The following DYNLRB1 variants were observed in gnomAD, a reference collection of about 807,000 sequenced individuals.
DYNLRB1 encodes the protein ROBL/LC7-like 1.
A neutral mutation model predicts 13.5 loss-of-function variants in DYNLRB1; 6 were observed. The ratio of observed to expected loss-of-function variants is 0.44; its 90% CI spans 0.24 to 0.88. The LOEUF (loss-of-function observed/expected upper bound fraction) is 0.88. Ranked by LOEUF, DYNLRB1 falls within the 40% of genes least tolerant of loss-of-function variation. The pLI is 0.21. For missense variants in DYNLRB1, 93 were observed against 127.2 expected, an observed-to-expected ratio of 0.73 and a Z score of 1.29; for synonymous variants, 43 against 45.0, an observed-to-expected ratio of 0.96 and a Z score of 0.18.
intron 1 of DYNLRB1, among the ~76,000 whole-genome samples, chr20:34,520,737 C>T (rs1222337307): frequency 6.6e-6 from 1 of 152,172 alleles, no homozygotes; most frequent in African/African-American, 2.4e-5. Flanking sequence ...GCATGAGCCA[C>T]CATACCTGGC....
At chr20:34,525,053 T>C (rs1163953112) in intron 1 of DYNLRB1, among the ~76,000 whole-genome samples, 6 of 152,208 alleles carry the variant, frequency 3.9e-5, no homozygotes, top group Admixed American at 3.9e-4. Flanking sequence ...AGGAGCTTGT[T>C]TACCCTTCCC....
chr20:34,524,434 G>A (rs916252941), intron 1 of DYNLRB1, among the ~76,000 whole-genome samples: 1 of 152,078 alleles, frequency 6.6e-6, no homozygotes, highest in African/African-American at 2.4e-5. Flanking sequence ...AGTTCTTTCT[G>A]CATTCTGCTA....
chr20:34,538,718 T>G (rs539133121), intron 3 of DYNLRB1, among the ~76,000 whole-genome samples: 7 of 152,336 alleles, frequency 4.6e-5, no homozygotes, highest in African/African-American at 1.7e-4. Flanking sequence ...GTCACTTCAT[T>G]TCTGTTTCTT....
chr20:34,518,101 G>GTT (rs141178937), intron 1 of DYNLRB1, among the ~76,000 whole-genome samples: 12 of 148,340 alleles, frequency 8.1e-5, no homozygotes, highest in African/African-American at 3.0e-4. Context: ...TTTATGGTAG[G>GTT]TTTTTTTTTT....
At chr20:34,526,240 T>A (rs199639375) in intron 1 of DYNLRB1, 28 bp from the exon 2 acceptor site, 873 of 1,613,788 alleles carry the variant, frequency 5.4e-4, no homozygotes, top group Non-Finnish European at 6.9e-4. Context: ...TATCGGCCTC[T>A]CCTAACCTTG....
upstream of DYNLRB1, among the ~76,000 whole-genome samples, chr20:34,516,204 A>G (rs556101607): frequency 2.0e-4 from 30 of 152,378 alleles, no homozygotes; most frequent in African/African-American, 7.2e-4. Context: ...CAGAACCAGC[A>G]TCTTTTCTGC....
chr20:34,518,232 A>T (rs1979420005), intron 1 of DYNLRB1, among the ~76,000 whole-genome samples: 1 of 151,744 alleles, frequency 6.6e-6, no homozygotes, highest in African/African-American at 2.4e-5. Context: ...TCTGTGTTTT[A>T]TACCAATACC....
intron 3 of DYNLRB1, among the ~76,000 whole-genome samples, chr20:34,537,521 C>A (rs1299318325): frequency 6.6e-6 from 1 of 152,108 alleles, no homozygotes; most frequent in Non-Finnish European, 1.5e-5. Context: ...GCAGTGGGGA[C>A]GGGGTCAGGG....
chr20:34,525,917 A>G (rs975532447), intron 1 of DYNLRB1, among the ~76,000 whole-genome samples: 38 of 152,250 alleles, frequency 2.5e-4, no homozygotes, highest in African/African-American at 8.9e-4. Flanking sequence ...TTAAATCAAC[A>G]GAGTCCCATC....
In DYNLRB1 at chr20:34,540,055, T is replaced by C. The variant is rs888132277; in HGVS notation, c.248-526T>C. On this transcript the variant is annotated intron_variant, in intron 3 of 3. Coordinates refer to ENST00000357156, the MANE Select transcript of DYNLRB1 (RefSeq NM_014183.4). ...TATGTCGGAATTCCATCTTTGACACTAAGTAGCTGGGTAACCTTAAGCCAG... is the reference window on the plus strand; with the variant it reads ...TATGTCGGAATTCCATCTTTGACACCAAGTAGCTGGGTAACCTTAAGCCAG... 2.0e-5 allele frequency among the ~76,000 whole-genome samples: 3 copies of C among 152,214 alleles called. No individual in the cohort carries two copies. The East Asian group carries it at 5.8e-4, about 29-fold the overall frequency.
At chr20:34,534,928 T>C in intron 3 of DYNLRB1, 133 bp downstream of exon 3, 1 of 1,527,782 alleles carries the variant, frequency 6.5e-7, no homozygotes, top group Non-Finnish European at 8.8e-7. Context: ...AATTGGGTTG[T>C]TGCCTCACTG....
intron 1 of DYNLRB1, among the ~76,000 whole-genome samples, chr20:34,517,961 A>G (rs6059892): frequency 0.45 from 68,237 of 152,006 alleles, 15,852 homozygotes; most frequent in Non-Finnish European, 0.5. Flanking sequence ...CCATTTACCT[A>G]TTGATGGACG....
At chr20:34,529,526 C>T (rs550680952) in intron 2 of DYNLRB1, among the ~76,000 whole-genome samples, 77 of 152,082 alleles carry the variant, frequency 5.1e-4, no homozygotes, top group Middle Eastern at 6.8e-3. Flanking sequence ...GTCAGGAGTT[C>T]GAGACCAGCC....
intron 3 of DYNLRB1, among the ~76,000 whole-genome samples, chr20:34,537,858 C>T (rs573134580): frequency 5.8e-4 from 89 of 152,348 alleles, no homozygotes; most frequent in African/African-American, 2.0e-3. Context: ...CCTGCCTGAC[C>T]TGACCCCATC....
intron 1 of DYNLRB1, among the ~76,000 whole-genome samples, chr20:34,523,092 G>A (rs976904829): frequency 9.2e-5 from 14 of 152,134 alleles, no homozygotes; most frequent in African/African-American, 3.4e-4. Flanking sequence ...TGCGAAGGCT[G>A]GGGGCCTCGG....
At chr20:34,516,546 A>G in intron 1 of DYNLRB1, 85 bp downstream of exon 1, 1 of 1,589,392 alleles carries the variant, frequency 6.3e-7, no homozygotes, top group Non-Finnish European at 8.6e-7. Flanking sequence ...AGGGGATCTC[A>G]GAGCTCCGGA....
chr20:34,526,309 G>A lies in DYNLRB1; in HGVS notation c.45G>A (p.Lys15=). 1 of 1,614,142 alleles carries A rather than the reference G, an allele frequency of 6.2e-7. No individual in the cohort carries two copies. The highest frequency in any genetic ancestry group is 8.5e-7 in the Non-Finnish European group (1 of 1,180,026). ...CACTGAAGCGACTGCAGAGCCAGAA[G>A]GGAGTGCAGGGAATCATCGTCGTGA... The part of the protein sequence containing the change: ...EETLKRLQSQ[K]GVQGIIVVNT... The change falls in exon 2 of 4, where the codon AAG becomes AAA. Residue 15 remains lysine (K), a synonymous_variant. Coordinates refer to ENST00000357156, the MANE Select transcript of DYNLRB1 (RefSeq NM_014183.4).
In DYNLRB1 at chr20:34,516,642, C is replaced by T. The variant is rs965520787; in HGVS notation, c.3+181C>T. 30 of 1,485,266 alleles carry T rather than the reference C, an allele frequency of 2.0e-5. 1 individual carries two copies. In the South Asian group the frequency reaches 2.5e-4, roughly 12 times the overall value. The allele number at this position is 1,485,266 out of a possible 1,614,324, so 92.0% of individuals were successfully genotyped here. On this transcript the variant is annotated intron_variant, in intron 1 of 3. Coordinates refer to ENST00000357156, the MANE Select transcript of DYNLRB1 (RefSeq NM_014183.4). Reference sequence around the variant, plus strand: ...ACCCGGCGGCGGAGGCCTCTAAAGCCTGACCGAGGCGGGGCCGCCGGATCC... The same window carrying T: ...ACCCGGCGGCGGAGGCCTCTAAAGCTTGACCGAGGCGGGGCCGCCGGATCC...
chr20:34,538,860 C>T (rs1981374998), intron 3 of DYNLRB1, among the ~76,000 whole-genome samples: 1 of 152,178 alleles, frequency 6.6e-6, no homozygotes, highest in Non-Finnish European at 1.5e-5. Flanking sequence ...CAGGGCAGTT[C>T]AGAGTATGGG....
Sources: allele counts gnomAD v4.1 joint callset (sites outside exome capture counted in the v4.1 genomes callset), GRCh38; gene constraint gnomAD v4.1.1; transcripts MANE v1.5; gene names NCBI Gene and HGNC (gene_info 2026-07-23, HGNC 2026-07-21).